The following IGLL5 variants were observed in gnomAD, a reference collection of about 807,000 sequenced individuals.
IGLL5 encodes the protein immunoglobulin lambda-like polypeptide 5.
Under a neutral mutation model 20.9 loss-of-function variants are expected in IGLL5, and 30 were observed. The ratio of observed to expected loss-of-function variants is 1.44; its 90% CI spans 1.07 to 1.95. IGLL5 has a LOEUF of 1.95. Among genes scored for constraint, IGLL5 ranks in the 30% most tolerant of loss-of-function variants. IGLL5 has a pLI of 0.00. For synonymous variants in IGLL5, 203 were observed against 117.3 expected (o/e 1.73, Z -4.72); for missense variants, 475 against 270.7 (o/e 1.75, Z -5.30).
At chr22:22,894,159 C>T (rs2067990446) in intron 2 of IGLL5, among the ~76,000 whole-genome samples, 2 of 151,510 alleles carry the variant, frequency 1.3e-5, no homozygotes, top group Admixed American at 6.6e-5. Context: ...CCCAGTGACT[C>T]CTGGGGTCAA....
chr22:22,889,054 C>T (rs888765490), intron 1 of IGLL5, among the ~76,000 whole-genome samples: 7 of 151,198 alleles, frequency 4.6e-5, no homozygotes, highest in African/African-American at 1.5e-4. Flanking sequence ...CAGTCCAGGA[C>T]GAGTCCTTGG....
intron 1 of IGLL5, 60 bp downstream of exon 1, chr22:22,888,319 A>C (rs570692561): frequency 2.0e-6 from 3 of 1,494,786 alleles, no homozygotes; most frequent in Admixed American, 2.0e-5. Flanking sequence ...GGAAAGGGTG[A>C]CCAAGGGGAG....
At chr22:22,893,958 G>T in intron 2 of IGLL5, 140 bp downstream of exon 2, 1 of 709,466 alleles carries the variant, frequency 1.4e-6, no homozygotes, top group Non-Finnish European at 2.5e-6. Context: ...GGGCCTGGAG[G>T]AGGTGCATTA....
chr22:22,895,232 G>A (rs576634279), intron 2 of IGLL5, 143 bp from the exon 3 acceptor site: 2 of 758,898 alleles, frequency 2.6e-6, no homozygotes, highest in Non-Finnish European at 4.5e-6. Flanking sequence ...GAGTGGAAAG[G>A]ATGGGGAAAG....
At chr22:22,888,552 G>C (rs188441179) in intron 1 of IGLL5, among the ~76,000 whole-genome samples, 3 of 151,374 alleles carry the variant, frequency 2.0e-5, no homozygotes, top group East Asian at 4.1e-4. Context: ...CTCTGGGTAG[G>C]GAAGGAACAG....
At chr22:22,892,752 G>C (rs1480065615) in intron 1 of IGLL5, among the ~76,000 whole-genome samples, 1 of 151,012 alleles carries the variant, frequency 6.6e-6, no homozygotes, top group Non-Finnish European at 1.5e-5. Context: ...CCCCTGGACA[G>C]TTGTGAGTGT....
chr22:22,889,243 T>A (rs1341307100), intron 1 of IGLL5, among the ~76,000 whole-genome samples: 1 of 150,978 alleles, frequency 6.6e-6, no homozygotes, highest in South Asian at 2.1e-4. Context: ...GACACTCAGA[T>A]TCAGAGCACC....
chr22:22,889,527 A>G (rs536246120), intron 1 of IGLL5, among the ~76,000 whole-genome samples: 3 of 151,248 alleles, frequency 2.0e-5, no homozygotes, highest in East Asian at 2.0e-4. Flanking sequence ...ATGGGAGAAA[A>G]CTGGAAAAAA....
intron 1 of IGLL5, among the ~76,000 whole-genome samples, chr22:22,892,478 T>C (rs138573986): frequency 6.6e-6 from 1 of 151,076 alleles, no homozygotes; most frequent in East Asian, 2.0e-4. Flanking sequence ...TAATAGTATC[T>C]TGTGTCATGC....
At chr22:22,890,408 A>G (rs1379017058) in intron 1 of IGLL5, among the ~76,000 whole-genome samples, 1 of 149,848 alleles carries the variant, frequency 6.7e-6, no homozygotes, top group East Asian at 2.1e-4. Flanking sequence ...CCAACTTTTA[A>G]TCTATTATTG....
chr22:22,888,678 G>A (rs562904430), intron 1 of IGLL5, among the ~76,000 whole-genome samples: 2 of 151,368 alleles, frequency 1.3e-5, no homozygotes, highest in African/African-American at 2.4e-5. Flanking sequence ...GAGGGCAGGG[G>A]CCACTCCCTG....
In IGLL5 at chr22:22,893,780, G is replaced by GGT. The variant is rs769434865; in HGVS notation, c.287_288insGT (p.Cys96TrpfsTer14). On this transcript the variant is annotated frameshift_variant, in exon 2 of 3. Transcript: ENST00000526893. LOFTEE classifies it high-confidence loss of function. ...TTTTGGTCTGAGCCTCAGTCACTGT[G>GGT]TTATGTCTTCGGAACTGGGACCAAG... 3 of 1,605,370 alleles carry GGT rather than the reference G, an allele frequency of 1.9e-6. 1 individual carries two copies. Among genetic ancestry groups the GGT allele is most frequent in the African/African-American group, 2.7e-5 (2 of 73,886 alleles).
chr22:22,894,728 C>G (rs567222561), intron 2 of IGLL5, among the ~76,000 whole-genome samples: 4 of 151,248 alleles, frequency 2.6e-5, no homozygotes, highest in Middle Eastern at 3.7e-3. Context: ...CCAGGAACAG[C>G]TGAGGTGAAG....
rs2066710347 is a variant in IGLL5, at chr22:22,894,946, T to C, written c.326-429T>C. Among the ~76,000 whole-genome samples, 3 of 151,254 alleles carry C rather than the reference T, an allele frequency of 2.0e-5. 1 individual carries two copies. The highest frequency in any genetic ancestry group is 6.6e-5 in the Admixed American group (1 of 15,136). ...TGCCTGCCAGGACAGTCCTACAGGA[T>C]GAGCAGGGGACCCACAGTTCACGGA... is the stretch of plus-strand genomic sequence containing the variant. On this transcript the variant is annotated intron_variant, in intron 2 of 2. Transcript: ENST00000526893.
rs144868128 is a variant in IGLL5, at chr22:22,893,923, G to T, written c.325+105G>T. On this transcript the variant is annotated intron_variant, in intron 2 of 2. Transcript: ENST00000526893. ...CTCCCCTCTGTCCTCCCAGCCTTAA[G>T]CACTGACCCTTACCTTTCTCCATGG... 2.7e-5 allele frequency: 22 copies of T among 828,390 alleles called. 1 individual carries two copies. Among genetic ancestry groups the T allele is most frequent in the African/African-American group, 1.3e-4 (8 of 59,854 alleles). The allele number at this position is 828,390 out of a possible 1,614,324, so 51.3% of individuals were successfully genotyped here.
chr22:22,895,082 G>C (rs2066721800), intron 2 of IGLL5, among the ~76,000 whole-genome samples: 1 of 151,492 alleles, frequency 6.6e-6, no homozygotes, highest in South Asian at 2.1e-4. Context: ...CCAGAGATCA[G>C]AGAAGAAGGA....
chr22:22,893,854 CCT>C, intron 2 of IGLL5, 36 bp downstream of exon 2: 1 of 1,353,342 alleles, frequency 7.4e-7, no homozygotes, highest in Non-Finnish European at 1.1e-6. Context: ...CCTGTCTCAC[CCT>C]CTGCTGTCCC....
chr22:22,895,839 GT>G lies in IGLL5; in HGVS notation c.*149del. The G allele has an allele frequency of 1.2e-6, 1 of 815,780 alleles. No individual in the cohort carries two copies. Among genetic ancestry groups the G allele is most frequent in the Non-Finnish European group, 2.0e-6 (1 of 496,150 alleles). 50.5% of individuals were successfully genotyped at this position (815,780 alleles called of 1,614,324 possible). On this transcript the variant is annotated 3_prime_UTR_variant, in exon 3 of 3. Coordinates refer to ENST00000526893, the MANE Select transcript of IGLL5 (RefSeq NM_001178126.2). Reference sequence around the variant, plus strand: ...ATCCTCATTGACAACCAGAAATCTTGTTTTATCTCATTTTTTTTCTCACATA... The same window carrying G: ...ATCCTCATTGACAACCAGAAATCTTGTTTATCTCATTTTTTTTCTCACATA...
intron 2 of IGLL5, among the ~76,000 whole-genome samples, chr22:22,894,078 A>G (rs1601623272): frequency 4.0e-5 from 6 of 151,364 alleles, no homozygotes; most frequent in South Asian, 2.1e-4. Flanking sequence ...CCTCTCTTCC[A>G]GGGCAGATGT....
Sources: gnomAD v4.1 joint callset for allele counts (sites outside exome capture counted in the v4.1 genomes callset) on GRCh38, gnomAD v4.1.1 for gene constraint, MANE v1.5 for transcripts, NCBI Gene and HGNC (gene_info 2026-07-23, HGNC 2026-07-21) for gene names.